CNTRL: variants seen among roughly 807,000 people sequenced by gnomAD.
CNTRL encodes centriolin, also known as 110 kDa centrosomal protein.
Under a neutral mutation model 303.7 loss-of-function variants are expected in CNTRL, and 233 were observed. The observed-to-expected ratio is 0.77, with a 90% CI of 0.69 to 0.86. The LOEUF (loss-of-function observed/expected upper bound fraction) is 0.86, where lower values mean the gene tolerates loss of function less well. Ranked by LOEUF, CNTRL falls within the 40% of genes least tolerant of loss-of-function variation. The pLI is 0.00. For missense variants in CNTRL, 2,524 were observed against 2,650.6 expected (o/e 0.95, Z 1.05); for synonymous variants, 900 against 922.2 (o/e 0.98, Z 0.44).
rs1327648603 is a variant in CNTRL at position 121,141,522 on chromosome 9, G to A, written c.2625G>A (p.Gln875=). The A allele has an allele frequency of 2.5e-6, 4 of 1,614,112 alleles. No individual in the cohort carries two copies. The highest frequency in any genetic ancestry group is 3.3e-5 in the Admixed American group (2 of 60,014). The change falls in exon 18 of 44, where the codon CAG becomes CAA. Residue 875 remains glutamine (Q), a synonymous_variant. Coordinates refer to ENST00000373855, the MANE Select transcript of CNTRL (RefSeq NM_007018.6). ...AACTCCAAGAAGAAATGGCTCTGCA[G>A]CAAGAGAAACTGGCAACTGGACAAG... ...ERKLQEEMAL[Q]QEKLATGQEE... is the part of the protein sequence containing the mutation.
At chr9:121,103,130 A>G (rs1468775713) in intron 7 of CNTRL, among the ~76,000 whole-genome samples, 7 of 152,310 alleles carry the variant, frequency 4.6e-5, no homozygotes, top group Non-Finnish European at 8.8e-5. Context: ...GAGGCATCAC[A>G]CTACCTGACT....
intron 24 of CNTRL, 124 bp from the exon 25 acceptor site, chr9:121,150,046 T>C (rs1225328817): frequency 1.5e-6 from 1 of 653,104 alleles, no homozygotes; most frequent in Non-Finnish European, 2.4e-6. Context: ...TTCAGAGTTT[T>C]ATTCTCACAT....
At chr9:121,175,703 A>C (rs2053496279) in intron 43 of CNTRL, among the ~76,000 whole-genome samples, 1 of 152,256 alleles carries the variant, frequency 6.6e-6, no homozygotes, top group South Asian at 2.1e-4. Flanking sequence ...TTGTCTTAGC[A>C]AAGACTTGGT....
At chr9:121,164,827 G>T in intron 34 of CNTRL, 116 bp from the exon 35 acceptor site, 1 of 701,628 alleles carries the variant, frequency 1.4e-6, no homozygotes, top group Non-Finnish European at 2.1e-6. Flanking sequence ...ATTTTGTGAA[G>T]ATTTATAATC....
In CNTRL at chr9:121,138,590, G is replaced by GC. The variant is rs1564258179; in HGVS notation, c.2251dup (p.Leu751ProfsTer20). ...AGCAGAACTTGAGAAGGAAAGGCAA[G>GC]CCCTCAAGAATGCCCTTGGAAAAGC... On this transcript the variant is annotated frameshift_variant, in exon 16 of 44. Transcript: ENST00000373855. LOFTEE classifies it high-confidence loss of function. 1 of 1,613,960 alleles carries GC rather than the reference G, an allele frequency of 6.2e-7. No homozygotes were observed. The highest frequency in any genetic ancestry group is 1.7e-5 in the Admixed American group (1 of 60,016).
intron 32 of CNTRL, 107 bp downstream of exon 32, chr9:121,160,409 T>C: frequency 1.4e-6 from 1 of 707,494 alleles, no homozygotes; most frequent in Non-Finnish European, 2.2e-6. Flanking sequence ...AGTTTAACCT[T>C]ACTGCTAATA....
chr9:121,100,974 C>T (rs527452422), intron 7 of CNTRL, among the ~76,000 whole-genome samples: 5 of 151,800 alleles, frequency 3.3e-5, no homozygotes, highest in East Asian at 3.9e-4. Context: ...GACTTTAACA[C>T]CCCCCACTGT....
At chr9:121,085,924 A>G (rs2048324947) in intron 2 of CNTRL, among the ~76,000 whole-genome samples, 1 of 152,172 alleles carries the variant, frequency 6.6e-6, no homozygotes, top group Admixed American at 6.5e-5. Flanking sequence ...ATTGGGAACC[A>G]TTACATTTCT....
At chr9:121,154,625 T>C (rs1161390087) in intron 26 of CNTRL, 96 bp from the exon 27 acceptor site, 10 of 716,502 alleles carry the variant, frequency 1.4e-5, no homozygotes, top group South Asian at 1.4e-4. Context: ...CATATAAAAT[T>C]AGAAAATCAT....
At position 121,141,499 on chromosome 9, in the gene CNTRL, C is replaced by T; in HGVS notation, c.2602C>T (p.Leu868Phe). 1 of 1,614,088 alleles carries T rather than the reference C, an allele frequency of 6.2e-7. No individual in the cohort carries two copies. The highest frequency in any genetic ancestry group is 8.5e-7 in the Non-Finnish European group (1 of 1,180,012). ...TGAAGCACAAGTTAGAGAGAGAAAA[C>T]TCCAAGAAGAAATGGCTCTGCAGCA... ...RDEAQVRERK[L>F]QEEMALQQEK... The change falls in exon 18 of 44, where the codon CTC becomes TTC. Residue 868 changes from leucine to phenylalanine, a missense_variant. Leu to Phe is a conservative substitution (Grantham distance 22, BLOSUM62 0). Coordinates refer to ENST00000373855, the MANE Select transcript of CNTRL (RefSeq NM_007018.6).
At chr9:121,123,311 G>GT in intron 12 of CNTRL, among the ~76,000 whole-genome samples, 2 of 152,288 alleles carry the variant, frequency 1.3e-5, no homozygotes, top group East Asian at 3.9e-4. Flanking sequence ...TGGGCACGGT[G>GT]GCTCATGCCT....
At chr9:121,166,826 A>T (rs570563626) in intron 36 of CNTRL, among the ~76,000 whole-genome samples, 1 of 152,260 alleles carries the variant, frequency 6.6e-6, no homozygotes, top group East Asian at 1.9e-4. Context: ...GTTCAAGACC[A>T]GCCTGACCAA....
At position 121,160,168 on chromosome 9, in the gene CNTRL, T is replaced by C; in HGVS notation, c.4955T>C (p.Leu1652Pro). ...IREVKSLLEE[L>P]SFQKGELNVQ... Reference sequence around the variant, plus strand: ...GAAGTAAAATCTCTTCTGGAAGAACTGAGTTTTCAGAAAGGAGAACTAAAT... The same window carrying C: ...GAAGTAAAATCTCTTCTGGAAGAACCGAGTTTTCAGAAAGGAGAACTAAAT... Residue 1652 changes from leucine to proline, a missense_variant, in exon 32 of 44, where the codon CTG becomes CCG. Leu to Pro is a moderately conservative substitution (Grantham distance 98). Coordinates refer to ENST00000373855, the MANE Select transcript of CNTRL (RefSeq NM_007018.6). The C allele has an allele frequency of 6.6e-7, 1 of 1,513,522 alleles. No homozygotes were observed. The highest frequency in any genetic ancestry group is 8.8e-7 in the Non-Finnish European group (1 of 1,137,188). 93.8% of individuals were successfully genotyped at this position (1,513,522 alleles called of 1,614,324 possible). A position where few individuals can be genotyped will look rare whatever the true frequency, so the allele number is the denominator to read the frequency against.
In CNTRL at chr9:121,138,586, G is replaced by C. The variant is rs766934245; in HGVS notation, c.2244G>C (p.Arg748Ser). 6.2e-7 allele frequency: 1 copy of C among 1,613,906 alleles called. No individual in the cohort carries two copies. Among genetic ancestry groups the C allele is most frequent in the East Asian group, 2.2e-5 (1 of 44,864 alleles). Residue 748 changes from arginine to serine, a missense_variant, in exon 16 of 44, where the codon AGG (arginine) becomes AGC (serine). Coordinates refer to ENST00000373855, the MANE Select transcript of CNTRL (RefSeq NM_007018.6). ...SALQAELEKE[R>S]QALKNALGKA... ...TTCAAGCAGAACTTGAGAAGGAAAG[G>C]CAAGCCCTCAAGAATGCCCTTGGAA...
At chr9:121,098,690 C>T in intron 7 of CNTRL, 118 bp downstream of exon 7, 1 of 701,626 alleles carries the variant, frequency 1.4e-6, no homozygotes, top group Non-Finnish European at 2.3e-6. Context: ...TGGGAAATGG[C>T]AGCATAAATC....
Position 121,158,053 on chromosome 9 carries a change from G to A in CNTRL, c.4708G>A (p.Glu1570Lys), listed in dbSNP as rs1176972438. The change falls in exon 30 of 44, where the codon GAA becomes AAA. Residue 1570 changes from glutamate to lysine, a missense_variant. Coordinates refer to ENST00000373855, the MANE Select transcript of CNTRL (RefSeq NM_007018.6). Reference sequence around the variant, plus strand: ...GGATCACCACCTGCAGGTCCTTAAAGAATCTGAGGTGCTTCTTCAGGCCAA... The same window carrying A: ...GGATCACCACCTGCAGGTCCTTAAAAAATCTGAGGTGCTTCTTCAGGCCAA... ...NEDHHLQVLK[E>K]SEVLLQAKRA... 1 of 1,614,040 alleles carries A rather than the reference G, an allele frequency of 6.2e-7. No individual in the cohort carries two copies. The highest frequency in any genetic ancestry group is 1.7e-5 in the Admixed American group (1 of 60,002).
At chr9:121,161,507 G>C (rs1238206658) in intron 32 of CNTRL, 1 of 334,458 alleles carries the variant, frequency 3.0e-6, no homozygotes, top group Non-Finnish European at 5.4e-6. Flanking sequence ...TTGTTAAAAT[G>C]TTTGTCTGTT....
Position 121,142,191 on chromosome 9 carries a change from G to A in CNTRL, c.2792G>A (p.Gly931Asp), listed in dbSNP as rs2051553518. ...ENLKSMEEIQ[G>D]LTDLQLQEAD... Reference sequence around the variant, plus strand: ...CTAAAAAGTATGGAGGAAATCCAAGGCCTTACAGATCTCCAACTTCAGGAA... The same window carrying A: ...CTAAAAAGTATGGAGGAAATCCAAGACCTTACAGATCTCCAACTTCAGGAA... The change falls in exon 19 of 44, where the codon GGC becomes GAC. Residue 931 changes from glycine to aspartate, a missense_variant. Gly to Asp is a moderately conservative substitution (Grantham distance 94). Transcript: ENST00000373855. The A allele has an allele frequency of 6.2e-6, 10 of 1,612,952 alleles. No homozygotes were observed. The highest frequency in any genetic ancestry group is 7.6e-6 in the Non-Finnish European group (9 of 1,179,544).
At chr9:121,090,452 C>T in intron 4 of CNTRL, 47 bp downstream of exon 4, 1 of 1,567,294 alleles carries the variant, frequency 6.4e-7, no homozygotes, top group Non-Finnish European at 8.6e-7. Context: ...TTTAACTTTT[C>T]TGTGCTTTAA....
Sources: gnomAD v4.1 joint callset for allele counts (sites outside exome capture counted in the v4.1 genomes callset) on GRCh38, gnomAD v4.1.1 for gene constraint, MANE v1.5 for transcripts, NCBI Gene and HGNC (gene_info 2026-07-23, HGNC 2026-07-21) for gene names.